SMIM31: variants seen among roughly 807,000 people sequenced by gnomAD.
SMIM31 encodes the protein human epithelial cell program regulator.
chr4:164,772,565 A>C, intron 2 of SMIM31, among the ~76,000 whole-genome samples: 1 of 112,870 alleles, frequency 8.9e-6, no homozygotes, highest in Admixed American at 9.6e-5. Flanking sequence ...CTGAAGTTTT[A>C]TTTTTTTTAT....
chr4:164,768,895 G>A (rs973648535), intron 1 of SMIM31, among the ~76,000 whole-genome samples: 12 of 152,158 alleles, frequency 7.9e-5, no homozygotes, highest in African/African-American at 2.2e-4. Flanking sequence ...ATGAATGGCC[G>A]AATATGTCAG....
intron 2 of SMIM31, among the ~76,000 whole-genome samples, chr4:164,796,932 C>T (rs75819053): frequency 0.067 from 10,160 of 152,280 alleles, 376 homozygotes; most frequent in African/African-American, 0.092. Context: ...CAGAGCCAAA[C>T]GTCTTTCACC....
chr4:164,793,232 G>A (rs891069676), intron 2 of SMIM31, among the ~76,000 whole-genome samples: 2 of 152,174 alleles, frequency 1.3e-5, no homozygotes, highest in Admixed American at 1.3e-4. Flanking sequence ...GAGAAAAGAA[G>A]GGTTGAAAAA....
intron 2 of SMIM31, among the ~76,000 whole-genome samples, chr4:164,794,562 T>C (rs1401312270): frequency 1.3e-5 from 2 of 152,134 alleles, no homozygotes; most frequent in African/African-American, 4.8e-5. Context: ...ATCCCAGCAC[T>C]TTGGGAGGCC....
In SMIM31 at chr4:164,803,177, A is replaced by G. The variant is rs1276584891; in HGVS notation, c.*1983A>G. On this transcript the variant is annotated 3_prime_UTR_variant, in exon 3 of 3. Transcript: ENST00000507311. ...TTTTCAGAAAAGCAGAAAAATCAAC[A>G]ACATGGTTTCAAATACTTGGATGAG... 6.6e-6 allele frequency: 1 copy of G among 152,220 alleles called. No homozygotes were observed. Among genetic ancestry groups the G allele is most frequent in the Non-Finnish European group, 1.5e-5 (1 of 68,050 alleles). 9.4% of individuals were successfully genotyped at this position (152,220 alleles called of 1,614,324 possible). A position where few individuals can be genotyped will look rare whatever the true frequency, so the allele number is the denominator to read the frequency against.
intron 2 of SMIM31, among the ~76,000 whole-genome samples, chr4:164,798,315 G>C (rs1028789671): frequency 6.6e-6 from 1 of 151,184 alleles, no homozygotes; most frequent in African/African-American, 2.4e-5. Context: ...GTCACTGCAA[G>C]CTCCGCCTCC....
chr4:164,757,804 T>A, intron 1 of SMIM31, among the ~76,000 whole-genome samples: 1 of 121,728 alleles, frequency 8.2e-6, no homozygotes, highest in Non-Finnish European at 1.8e-5. Flanking sequence ...AATACTACAC[T>A]CTTTTGATTA....
intron 2 of SMIM31, among the ~76,000 whole-genome samples, chr4:164,772,617 CG>C (rs1321881049): frequency 6.8e-6 from 1 of 147,358 alleles, no homozygotes; most frequent in Non-Finnish European, 1.5e-5. Flanking sequence ...CTCGCTCTGT[CG>C]CCCAGGCTGG....
chr4:164,794,707 A>G (rs1733165803), intron 2 of SMIM31, among the ~76,000 whole-genome samples: 1 of 152,016 alleles, frequency 6.6e-6, no homozygotes, highest in South Asian at 2.1e-4. Flanking sequence ...CAGGAGGCTG[A>G]GGCAGGAGAG....
At chr4:164,796,292 G>A (rs551909219) in intron 2 of SMIM31, among the ~76,000 whole-genome samples, 32 of 152,280 alleles carry the variant, frequency 2.1e-4, no homozygotes, top group African/African-American at 7.2e-4. Flanking sequence ...TTACTGCGGT[G>A]ATGATTTTAA....
chr4:164,791,555 C>T (rs184736254), intron 2 of SMIM31, among the ~76,000 whole-genome samples: 1 of 152,180 alleles, frequency 6.6e-6, no homozygotes, highest in African/African-American at 2.4e-5. Flanking sequence ...AGGCTGGTGT[C>T]GAACTCCTAG....
At chr4:164,761,241 C>G (rs1732645065) in intron 1 of SMIM31, among the ~76,000 whole-genome samples, 1 of 152,116 alleles carries the variant, frequency 6.6e-6, no homozygotes, top group African/African-American at 2.4e-5. Context: ...GGGAAATAGT[C>G]TTTCTACTAT....
At chr4:164,775,300 C>T (rs748271755) in intron 2 of SMIM31, among the ~76,000 whole-genome samples, 24 of 152,184 alleles carry the variant, frequency 1.6e-4, no homozygotes, top group Non-Finnish European at 3.2e-4. Context: ...CAGACCTTTC[C>T]TCTTTTGCCT....
At chr4:164,771,146 T>C (rs1343770125) in intron 2 of SMIM31, among the ~76,000 whole-genome samples, 2 of 152,228 alleles carry the variant, frequency 1.3e-5, no homozygotes, top group Non-Finnish European at 2.9e-5. Flanking sequence ...AAATAAGTGC[T>C]GTCTGTGAAT....
intron 1 of SMIM31, among the ~76,000 whole-genome samples, chr4:164,762,662 CAAAAAAAA>C (rs1162067333): frequency 5.0e-5 from 5 of 100,114 alleles, no homozygotes; most frequent in Non-Finnish European, 8.2e-5. Context: ...GACTCTGTCT[CAAAAAAAA>C]AAAAAAAAAA....
chr4:164,786,289 T>C (rs1733024897), intron 2 of SMIM31, among the ~76,000 whole-genome samples: 1 of 152,170 alleles, frequency 6.6e-6, no homozygotes, highest in Non-Finnish European at 1.5e-5. Flanking sequence ...ACAAGTTATA[T>C]TTAAACTACC....
At position 164,802,593 on chromosome 4, in the gene SMIM31, C is replaced by A. The variant is rs1243381578; in HGVS notation, c.*1399C>A. On this transcript the variant is annotated 3_prime_UTR_variant, in exon 3 of 3. Coordinates refer to ENST00000507311, the MANE Select transcript of SMIM31 (RefSeq NM_001352885.1). ...TCACAATCAATGCTGGCAGCATTAT[C>A]GTGGCAGGAAGGAATCCACAATACA... is the stretch of plus-strand genomic sequence containing the variant. 1 of 152,180 alleles carries A rather than the reference C, an allele frequency of 6.6e-6. No homozygotes were observed. The allele number at this position is 152,180 out of a possible 1,614,324, so 9.4% of individuals were successfully genotyped here.
intron 2 of SMIM31, among the ~76,000 whole-genome samples, chr4:164,770,994 T>C (rs1181642774): frequency 6.6e-6 from 1 of 152,220 alleles, no homozygotes; most frequent in African/African-American, 2.4e-5. Context: ...GAACCAAAAA[T>C]TTATATTTAT....
Position 164,757,869 on chromosome 4 carries a change from C to G in SMIM31, c.-26+3458C>G, listed in dbSNP as rs72694073. On this transcript the variant is annotated intron_variant, in intron 1 of 2. Coordinates refer to ENST00000507311, the MANE Select transcript of SMIM31 (RefSeq NM_001352885.1). Reference sequence around the variant, plus strand: ...GTAGTATGAGTCCTCCTACTTTGTTCTTTCTCAAAAGTTTAGGTGCAGCCT... The same window carrying G: ...GTAGTATGAGTCCTCCTACTTTGTTGTTTCTCAAAAGTTTAGGTGCAGCCT... 6.0e-3 allele frequency among the ~76,000 whole-genome samples: 907 copies of G among 152,132 alleles called. 5 individuals are homozygous for G. The highest frequency in any genetic ancestry group is 9.4e-3 in the Non-Finnish European group (639 of 67,946).
Sources: allele counts gnomAD v4.1 joint callset (sites outside exome capture counted in the v4.1 genomes callset), GRCh38; gene constraint gnomAD v4.1.1; transcripts MANE v1.5; gene names NCBI Gene and HGNC (gene_info 2026-07-23, HGNC 2026-07-21).